Variants in MAST2 observed in about 807,000 individuals in gnomAD.
MAST2 encodes the protein microtubule-associated serine/threonine-protein kinase 2.
A neutral mutation model predicts 147.4 loss-of-function variants in MAST2; 70 were observed. The ratio of observed to expected loss-of-function variants is 0.47; its 90% CI spans 0.39 to 0.58. The LOEUF is 0.58. Among genes scored for constraint, MAST2 ranks in the 20% least tolerant of loss-of-function variants. The pLI, the probability that MAST2 is intolerant of heterozygous loss-of-function variation, is 0.00. For missense variants in MAST2, 2,080 were observed against 2,302.3 expected, an observed-to-expected ratio of 0.90 and a Z score of 1.98; for synonymous variants, 869 against 896.8, an observed-to-expected ratio of 0.97 and a Z score of 0.55.
chr1:45,924,978 G>T (rs1654132970), intron 4 of MAST2, among the ~76,000 whole-genome samples: 1 of 152,166 alleles, frequency 6.6e-6, no homozygotes, highest in Non-Finnish European at 1.5e-5. Flanking sequence ...ATAAATTTCT[G>T]TTGGTTAAGT....
chr1:45,815,918 T>C (rs952357728), intron 1 of MAST2, among the ~76,000 whole-genome samples: 13 of 152,206 alleles, frequency 8.5e-5, no homozygotes, highest in African/African-American at 3.1e-4. Context: ...AGGTGAATCA[T>C]GCTTGATCAA....
In MAST2 at chr1:46,034,670, G is replaced by C; in HGVS notation, c.4001G>C (p.Arg1334Pro). ...PKLQRQYRSP[R>P]RKSAGSIPLS... ...CTCCAACGCCAGTACCGCTCTCCAC[G>C]GCGCAAGTCAGCAGGCAGCATCCCA... Residue 1334 changes from arginine to proline, a missense_variant, in exon 29 of 29, where the codon CGG (arginine) becomes CCG (proline). Coordinates refer to ENST00000361297, the MANE Select transcript of MAST2 (RefSeq NM_015112.3). The C allele has an allele frequency of 1.2e-6, 2 of 1,614,062 alleles. No homozygotes were observed. The highest frequency in any genetic ancestry group is 1.1e-5 in the South Asian group (1 of 91,076).
intron 5 of MAST2, among the ~76,000 whole-genome samples, chr1:45,987,068 T>C (rs1008816749): frequency 2.6e-5 from 4 of 152,202 alleles, no homozygotes; most frequent in Admixed American, 2.6e-4. Context: ...TTAGTTAGGT[T>C]ATCTGTTACT....
intron 4 of MAST2, among the ~76,000 whole-genome samples, chr1:45,893,460 C>T (rs2148418898): frequency 6.6e-6 from 1 of 152,006 alleles, no homozygotes; most frequent in East Asian, 1.9e-4. Flanking sequence ...AGGCTGGTCT[C>T]TAACTCCTGG....
At chr1:45,860,833 CAAAAAA>C (rs886432267) in intron 3 of MAST2, among the ~76,000 whole-genome samples, 20 of 145,402 alleles carry the variant, frequency 1.4e-4, no homozygotes, top group African/African-American at 4.5e-4. Context: ...ACTCCGTCTC[CAAAAAA>C]AAAAATCTTA....
intron 4 of MAST2, among the ~76,000 whole-genome samples, chr1:45,956,597 T>A (rs1377559206): frequency 1.3e-5 from 2 of 152,258 alleles, no homozygotes; most frequent in African/African-American, 4.8e-5. Context: ...CCACAATTTC[T>A]GTCACAAAGT....
At chr1:45,827,951 C>T (rs761319908) in intron 2 of MAST2, among the ~76,000 whole-genome samples, 4 of 152,032 alleles carry the variant, frequency 2.6e-5, no homozygotes, top group Middle Eastern at 3.2e-3. Context: ...TTCTCCTCAG[C>T]CTCCTGAGTA....
chr1:45,831,085 G>A (rs1464127330), intron 3 of MAST2, among the ~76,000 whole-genome samples: 1 of 151,594 alleles, frequency 6.6e-6, no homozygotes, highest in Non-Finnish European at 1.5e-5. Context: ...TGATAGGCAG[G>A]GCCTTACAAA....
At position 46,030,601 on chromosome 1, in the gene MAST2, C is replaced by G; in HGVS notation, c.2554-6C>G. 2 of 1,603,754 alleles carry G rather than the reference C, an allele frequency of 1.2e-6. No individual in the cohort carries two copies. Among genetic ancestry groups the G allele is most frequent in the Non-Finnish European group, 1.7e-6 (2 of 1,177,002 alleles). On this transcript the variant is annotated splice_polypyrimidine_tract_variant and splice_region_variant and intron_variant, in intron 21 of 28. Coordinates refer to ENST00000361297, the MANE Select transcript of MAST2 (RefSeq NM_015112.3). ...CCCATCCCCAGCGCATCCCCTGTGC[C>G]CACAGGTGTACAGCAGCATGGAGCG... is the stretch of plus-strand genomic sequence containing the variant.
chr1:45,896,001 G>A (rs1224806937), intron 4 of MAST2, among the ~76,000 whole-genome samples: 1 of 151,386 alleles, frequency 6.6e-6, no homozygotes, highest in African/African-American at 2.4e-5. Context: ...TAATAACAAT[G>A]CCAAATGAAA....
chr1:46,032,290 C>T lies in MAST2; in HGVS notation c.3300C>T (p.Ser1100=), dbSNP rs1250581069. ...GGGACTTCTTGCCAGCCCTTGGCAGCATGAGGCCTCCCATCATCATCCACC... is the reference window on the plus strand; with the variant it reads ...GGGACTTCTTGCCAGCCCTTGGCAGTATGAGGCCTCCCATCATCATCCACC... ...PSRDFLPALG[S]MRPPIIIHRA... is the part of the protein sequence containing the mutation. The change falls in exon 25 of 29, where the codon AGC becomes AGT. Residue 1100 remains serine (S), a synonymous_variant. Coordinates refer to ENST00000361297, the MANE Select transcript of MAST2 (RefSeq NM_015112.3). The T allele has an allele frequency of 1.2e-6, 2 of 1,614,134 alleles. No homozygotes were observed. The highest frequency in any genetic ancestry group is 1.7e-6 in the Non-Finnish European group (2 of 1,180,056).
intron 5 of MAST2, among the ~76,000 whole-genome samples, chr1:45,960,608 T>C (rs1216915303): frequency 1.3e-5 from 2 of 152,216 alleles, no homozygotes; most frequent in African/African-American, 4.8e-5. Flanking sequence ...GAGTCAGCCA[T>C]GTGCTTCTGT....
chr1:45,850,929 G>T (rs1468615559), intron 3 of MAST2, among the ~76,000 whole-genome samples: 2 of 150,730 alleles, frequency 1.3e-5, no homozygotes, highest in Admixed American at 6.6e-5. Flanking sequence ...TTTTGCTTAG[G>T]ATTGTTTTGG....
Position 46,035,617 on chromosome 1 carries a change from T to C in MAST2, c.4948T>C (p.Ser1650Pro). Residue 1650 changes from serine (S) to proline (P), a missense_variant, in exon 29 of 29, where the codon TCT (serine) becomes CCT (proline). Physicochemically the swap from Ser to Pro is moderately conservative, Grantham distance 74. This residue lies in a region of MAST2 where 1,278 missense variants were observed against 1,304.2 expected (regional missense o/e 0.98). Transcript: ENST00000361297. The surrounding 1 kb of genome is among the most constrained non-coding windows in gnomAD (Gnocchi z 5.5). The part of the protein sequence containing the change: ...TSSCSPPSST[S>P]GKLSMWSWKS... ...CAGTTGCTCTCCTCCCAGCTCCACC[T>C]CTGGGAAGCTGAGCATGTGGTCCTG... 1 of 1,613,828 alleles carries C rather than the reference T, an allele frequency of 6.2e-7. No individual in the cohort carries two copies. Among genetic ancestry groups the C allele is most frequent in the South Asian group, 1.1e-5 (1 of 91,074 alleles).
At chr1:45,871,082 A>T (rs1254731721) in intron 3 of MAST2, among the ~76,000 whole-genome samples, 1 of 8,084 alleles carries the variant, frequency 1.2e-4, no homozygotes, top group Admixed American at 1.9e-3. Context: ...GTTTTCTTTA[A>T]AAAAAAAAAA....
At chr1:45,915,567 G>T (rs35945607) in intron 4 of MAST2, among the ~76,000 whole-genome samples, 44,732 of 151,880 alleles carry the variant, frequency 0.29, 8,370 homozygotes, top group Non-Finnish European at 0.43. Flanking sequence ...AAAATTAGCC[G>T]GACGTGGTGG....
chr1:45,813,309 G>A (rs181942685), intron 1 of MAST2, among the ~76,000 whole-genome samples: 1 of 151,768 alleles, frequency 6.6e-6, no homozygotes, highest in Non-Finnish European at 1.5e-5. Context: ...CAAGATGGGG[G>A]TCCCATAAGA....
At chr1:45,903,267 T>A (rs567145133) in intron 4 of MAST2, among the ~76,000 whole-genome samples, 2 of 151,250 alleles carry the variant, frequency 1.3e-5, no homozygotes, top group African/African-American at 4.9e-5. Flanking sequence ...GTAGCTGGGA[T>A]TACAGACACT....
At chr1:45,847,519 C>T in intron 3 of MAST2, 1 of 785,764 alleles carries the variant, frequency 1.3e-6, no homozygotes, top group Non-Finnish European at 2.1e-6. Context: ...TATTTGTGGG[C>T]CTCTCTCATA....
Sources: allele counts gnomAD v4.1 joint callset (sites outside exome capture counted in the v4.1 genomes callset), GRCh38; gene constraint gnomAD v4.1.1; regional missense constraint gnomAD v4.1.1; non-coding constraint Gnocchi (gnomAD v3.1); transcripts MANE v1.5; gene names NCBI Gene and HGNC (gene_info 2026-07-23, HGNC 2026-07-21).